Variants in WWC2 observed in about 807,000 individuals in gnomAD.
WWC2 encodes WW and C2 domain containing 2.
In WWC2, 101 loss-of-function variants were observed where a neutral mutation model predicts 138.5. That is an observed-to-expected ratio of 0.73 (90% CI 0.62 to 0.86). The LOEUF (loss-of-function observed/expected upper bound fraction) is 0.86. Among genes scored for constraint, WWC2 ranks in the 40% least tolerant of loss-of-function variants. The pLI, the probability that WWC2 is intolerant of heterozygous loss-of-function variation, is 0.00. For synonymous variants in WWC2, 558 were observed against 538.4 expected, an observed-to-expected ratio of 1.04 and a Z score of -0.50; for missense variants, 1,420 against 1,419.4, an observed-to-expected ratio of 1.00 and a Z score of -0.01.
intron 1 of WWC2, among the ~76,000 whole-genome samples, chr4:183,112,044 T>A (rs1048415410): frequency 6.6e-6 from 1 of 152,188 alleles, no homozygotes; most frequent in Non-Finnish European, 1.5e-5. Flanking sequence ...CCTTTTCTGC[T>A]AAATGACATA....
intron 21 of WWC2, among the ~76,000 whole-genome samples, chr4:183,303,570 G>C (rs1056012098): frequency 2.0e-5 from 3 of 152,174 alleles, no homozygotes; most frequent in African/African-American, 7.2e-5. Flanking sequence ...TATGAGTGTA[G>C]GAGGAGTAAC....
At chr4:183,269,708 A>G in intron 15 of WWC2, 1 of 354,032 alleles carries the variant, frequency 2.8e-6, no homozygotes, top group Non-Finnish European at 5.6e-6. Flanking sequence ...AAATTAAGCA[A>G]GACCACTGAG....
intron 1 of WWC2, among the ~76,000 whole-genome samples, chr4:183,118,633 C>T (rs1454227373): frequency 6.6e-6 from 1 of 152,192 alleles, no homozygotes; most frequent in African/African-American, 2.4e-5. Context: ...AAAAAGTCAT[C>T]ATTTAGCATT....
chr4:183,148,688 C>T (rs930125798), intron 1 of WWC2, among the ~76,000 whole-genome samples: 4 of 152,134 alleles, frequency 2.6e-5, no homozygotes, highest in Non-Finnish European at 5.9e-5. Context: ...GATCTGTGTT[C>T]CTATGCAACT....
intron 13 of WWC2, 42 bp downstream of exon 13, chr4:183,265,810 G>A (rs900637537): frequency 6.2e-7 from 1 of 1,608,712 alleles, no homozygotes. Context: ...TGACATCTGT[G>A]CAGGGCAAGT....
rs572778298 is a variant in WWC2 at position 183,245,805 on chromosome 4, C to T, written c.732+260C>T. On this transcript the variant is annotated intron_variant, in intron 6 of 22. Coordinates refer to ENST00000403733, the MANE Select transcript of WWC2 (RefSeq NM_024949.6). ...CCTTTGAGATAGTGGGTGGTGGGGC[C>T]TGGAGCTCATGTGAGGAGATTAACA... Among the ~76,000 whole-genome samples the T allele has an allele frequency of 4.5e-4, 68 of 152,246 alleles. 1 individual carries two copies. Among genetic ancestry groups the T allele is most frequent in the African/African-American group, 1.6e-3 (66 of 41,530 alleles).
chr4:183,264,707 T>A (rs968460287), intron 11 of WWC2, among the ~76,000 whole-genome samples: 13 of 152,252 alleles, frequency 8.5e-5, no homozygotes, highest in South Asian at 2.1e-4. Context: ...CCAATGAGAA[T>A]TTGTGTAATT....
chr4:183,164,425 TATATATATTTTTA>T (rs1734079166), intron 1 of WWC2, among the ~76,000 whole-genome samples: 1 of 141,344 alleles, frequency 7.1e-6, no homozygotes, highest in East Asian at 2.0e-4. Flanking sequence ...TATATATTTT[TATATATATTTTTA>T]ATATATATAT....
In WWC2 at chr4:183,149,856, T is replaced by C. The variant is rs370711300; in HGVS notation, c.132-43743T>C. Among the ~76,000 whole-genome samples the C allele has an allele frequency of 7.2e-5, 11 of 152,290 alleles. No individual in the cohort carries two copies. The East Asian group carries it at 2.1e-3, about 29-fold the overall frequency. On this transcript the variant is annotated intron_variant, in intron 1 of 22. Coordinates refer to ENST00000403733, the MANE Select transcript of WWC2 (RefSeq NM_024949.6). ...TCTAGATCCGTGAATTAATATGGGG[T>C]TGCAAAACAATGATCTCATTCAGTC...
intron 1 of WWC2, among the ~76,000 whole-genome samples, chr4:183,154,676 A>G (rs1168422580): frequency 1.3e-5 from 2 of 152,208 alleles, no homozygotes; most frequent in African/African-American, 2.4e-5. Flanking sequence ...CCGGATTAAG[A>G]TGAAGCTCAC....
intron 1 of WWC2, among the ~76,000 whole-genome samples, chr4:183,161,216 C>A (rs1173586173): frequency 6.6e-6 from 1 of 152,070 alleles, no homozygotes. Flanking sequence ...TGCAAGTCAC[C>A]CCAGTTCTCT....
intron 4 of WWC2, among the ~76,000 whole-genome samples, chr4:183,238,873 G>T (rs1244767996): frequency 6.6e-6 from 1 of 152,154 alleles, no homozygotes; most frequent in Non-Finnish European, 1.5e-5. Flanking sequence ...AGATCCCTGA[G>T]GGCAGGGATC....
intron 1 of WWC2, among the ~76,000 whole-genome samples, chr4:183,142,873 A>C (rs1016964102): frequency 1.3e-5 from 2 of 152,212 alleles, no homozygotes; most frequent in Non-Finnish European, 2.9e-5. Context: ...ACAAATGTTC[A>C]ACTTCCTTCC....
Position 183,211,858 on chromosome 4 carries a change from G to C in WWC2, c.522+2833G>C, listed in dbSNP as rs545473481. 8.0e-5 allele frequency among the ~76,000 whole-genome samples: 12 copies of C among 149,796 alleles called. No individual in the cohort carries two copies. In the East Asian group the frequency reaches 2.3e-3, roughly 29 times the overall value. ...TTTTTTTTTGGCGGAGTCTTGCTCTGTTTCCCAGGCTGGAGTACAGTGGCG... is the reference window on the plus strand; with the variant it reads ...TTTTTTTTTGGCGGAGTCTTGCTCTCTTTCCCAGGCTGGAGTACAGTGGCG... On this transcript the variant is annotated intron_variant, in intron 4 of 22. Transcript: ENST00000403733.
chr4:183,250,110 C>A, intron 8 of WWC2, 117 bp downstream of exon 8: 1 of 933,596 alleles, frequency 1.1e-6, no homozygotes, highest in Non-Finnish European at 1.6e-6. Flanking sequence ...CAAGGCCACC[C>A]TTCGGTTTTA....
chr4:183,249,672 T>G (rs1736911412), intron 7 of WWC2, among the ~76,000 whole-genome samples: 1 of 152,204 alleles, frequency 6.6e-6, no homozygotes, highest in Non-Finnish European at 1.5e-5. Flanking sequence ...TCAGGATATT[T>G]TTTATCTTGA....
chr4:183,202,938 AT>A (rs1368172682), intron 2 of WWC2, among the ~76,000 whole-genome samples: 1 of 152,206 alleles, frequency 6.6e-6, no homozygotes, highest in East Asian at 1.9e-4. Context: ...GCAGTATCTC[AT>A]TTAATCTTCC....
intron 1 of WWC2, among the ~76,000 whole-genome samples, chr4:183,151,968 A>G (rs1733647118): frequency 6.6e-6 from 1 of 152,170 alleles, no homozygotes; most frequent in South Asian, 2.1e-4. Context: ...TATAGTAAAC[A>G]CTTTATATAA....
chr4:183,225,912 G>A (rs1736057232), intron 4 of WWC2, among the ~76,000 whole-genome samples: 2 of 152,080 alleles, frequency 1.3e-5, no homozygotes, highest in South Asian at 4.1e-4. Flanking sequence ...AATATTGAAT[G>A]CAGATTTCTT....
Sources: gnomAD v4.1 joint callset for allele counts (sites outside exome capture counted in the v4.1 genomes callset) on GRCh38, gnomAD v4.1.1 for gene constraint, MANE v1.5 for transcripts, NCBI Gene and HGNC (gene_info 2026-07-23, HGNC 2026-07-21) for gene names.